The following ADAMTS18 variants were observed in gnomAD, a reference collection of about 807,000 sequenced individuals.
ADAMTS18 encodes A disintegrin and metalloproteinase with thrombospondin motifs 18.
Under a neutral mutation model 165.9 loss-of-function variants are expected in ADAMTS18, and 157 were observed. The observed-to-expected ratio is 0.95, with a 90% CI of 0.83 to 1.08. ADAMTS18 has a LOEUF of 1.08. Ranked by LOEUF, ADAMTS18 falls within the 50% of genes least tolerant of loss-of-function variation. ADAMTS18 has a pLI of 0.00. For synonymous variants in ADAMTS18, 782 were observed against 578.2 expected, an observed-to-expected ratio of 1.35 and a Z score of -5.06; for missense variants, 2,040 against 1,534.0, an observed-to-expected ratio of 1.33 and a Z score of -5.51.
Position 77,434,884 on chromosome 16 carries a change from C to T in ADAMTS18, c.-189G>A, listed in dbSNP as rs2057778884. On this transcript the variant is annotated 5_prime_UTR_variant, in exon 1 of 23. Coordinates refer to ENST00000282849, the MANE Select transcript of ADAMTS18 (RefSeq NM_199355.4). ...TCCTCCGGCCGCCTGCGCGCCCTCC[C>T]TTCTCCCGGCGCGGGCCTGCCGAGC... 9.1e-6 allele frequency: 4 copies of T among 438,138 alleles called. No homozygotes were observed. Among genetic ancestry groups the T allele is most frequent in the Admixed American group, 4.7e-5 (1 of 21,488 alleles). The allele number at this position is 438,138 out of a possible 1,614,324, so 27.1% of individuals were successfully genotyped here. A position where few individuals can be genotyped will look rare whatever the true frequency, so the allele number is the denominator to read the frequency against.
chr16:77,424,536 C>A (rs971437842), intron 3 of ADAMTS18, among the ~76,000 whole-genome samples: 5 of 151,844 alleles, frequency 3.3e-5, no homozygotes, highest in African/African-American at 1.2e-4. Context: ...ATGTGAGACC[C>A]CTCAAACTGG....
chr16:77,326,987 G>C (rs2056106046), intron 12 of ADAMTS18, among the ~76,000 whole-genome samples: 1 of 152,182 alleles, frequency 6.6e-6, no homozygotes, highest in Non-Finnish European at 1.5e-5. Context: ...TTACAAGAAT[G>C]ACCTCCAGCT....
intron 11 of ADAMTS18, among the ~76,000 whole-genome samples, chr16:77,341,324 C>T (rs1207629180): frequency 6.6e-6 from 1 of 151,958 alleles, no homozygotes; most frequent in Admixed American, 6.6e-5. Flanking sequence ...GCTGAGTAGC[C>T]GAAGCCTTGG....
chr16:77,291,717 G>C (rs143749906), intron 20 of ADAMTS18, among the ~76,000 whole-genome samples: 130 of 152,316 alleles, frequency 8.5e-4, no homozygotes, highest in African/African-American at 3.0e-3. Context: ...CAGATCATTA[G>C]CCTCATAAAG....
intron 12 of ADAMTS18, among the ~76,000 whole-genome samples, chr16:77,330,408 T>A (rs372505669): frequency 2.6e-5 from 4 of 152,320 alleles, no homozygotes; most frequent in East Asian, 3.9e-4. Flanking sequence ...ATTAAGACTA[T>A]GGGAACTTAA....
intron 11 of ADAMTS18, among the ~76,000 whole-genome samples, chr16:77,337,848 T>C (rs986092009): frequency 6.6e-6 from 1 of 151,864 alleles, no homozygotes; most frequent in African/African-American, 2.4e-5. Context: ...AAATTCTACA[T>C]AGAAAATGCA....
intron 6 of ADAMTS18, 129 bp from the exon 7 acceptor site, chr16:77,362,393 G>A (rs7192938): frequency 0.14 from 143,459 of 997,250 alleles, 11,715 homozygotes; most frequent in East Asian, 0.25. Flanking sequence ...CTTGAGCTAA[G>A]GTAGGAGACA....
rs745369304 is a variant in ADAMTS18 at position 77,364,387 on chromosome 16, A to T, written c.779-6T>A. The T allele has an allele frequency of 3.2e-5, 51 of 1,613,472 alleles. No homozygotes were observed. The highest frequency in any genetic ancestry group is 4.2e-5 in the Non-Finnish European group (50 of 1,179,884). On this transcript the variant is annotated splice_polypyrimidine_tract_variant and splice_region_variant and intron_variant, in intron 4 of 22. Transcript: ENST00000282849. ...TGTGGGAGGCTTGGGAGCATCTACG[A>T]TGAACAGAAGAGCATTTGGAAGGGA...
intron 3 of ADAMTS18, among the ~76,000 whole-genome samples, chr16:77,398,223 A>G (rs921634653): frequency 2.6e-5 from 4 of 152,240 alleles, no homozygotes; most frequent in South Asian, 4.1e-4. Flanking sequence ...AGCCTGAGGC[A>G]GAAGAATCAC....
intron 12 of ADAMTS18, among the ~76,000 whole-genome samples, chr16:77,331,722 C>T (rs1042796465): frequency 2.0e-5 from 3 of 152,114 alleles, no homozygotes; most frequent in Non-Finnish European, 4.4e-5. Flanking sequence ...GGCAGGGATG[C>T]TGCTAGACAT....
At chr16:77,379,189 C>T (rs1004710822) in intron 3 of ADAMTS18, among the ~76,000 whole-genome samples, 2 of 152,182 alleles carry the variant, frequency 1.3e-5, no homozygotes, top group South Asian at 2.1e-4. Flanking sequence ...TCATGAGGCG[C>T]CTTCTTGGGC....
intron 12 of ADAMTS18, among the ~76,000 whole-genome samples, chr16:77,329,248 G>A (rs1267323496): frequency 6.6e-6 from 1 of 152,094 alleles, no homozygotes; most frequent in African/African-American, 2.4e-5. Flanking sequence ...TAGGACTACA[G>A]GCATGTGCCA....
chr16:77,309,217 GTT>G lies in ADAMTS18; in HGVS notation c.2533-8815_2533-8814del, dbSNP rs113727165. 1.1e-3 allele frequency among the ~76,000 whole-genome samples: 103 copies of G among 91,482 alleles called. 2 individuals carry two copies. The highest frequency in any genetic ancestry group is 3.3e-3 in the African/African-American group (101 of 30,800). The allele number at this position is 91,482 out of a possible 152,430, so 60.0% of individuals were successfully genotyped here. A position where few individuals can be genotyped will look rare whatever the true frequency, so the allele number is the denominator to read the frequency against. ...GCTAACGTGCGCATGTAGCTGGCTA[GTT>G]TTTTTTTTTCTGGGAAATACAGAAA... On this transcript the variant is annotated intron_variant, in intron 16 of 22. Coordinates refer to ENST00000282849, the MANE Select transcript of ADAMTS18 (RefSeq NM_199355.4).
chr16:77,339,226 G>A (rs8049128), intron 11 of ADAMTS18, among the ~76,000 whole-genome samples: 63,944 of 151,562 alleles, frequency 0.42, 14,109 homozygotes, highest in East Asian at 0.61. Context: ...AGAATCTGAG[G>A]AAACCGTATA....
intron 16 of ADAMTS18, among the ~76,000 whole-genome samples, chr16:77,309,375 A>G (rs1306043240): frequency 6.6e-6 from 1 of 152,220 alleles, no homozygotes; most frequent in African/African-American, 2.4e-5. Flanking sequence ...TAAGACAATC[A>G]TACAAATCCT....
In ADAMTS18 at chr16:77,343,074, C is replaced by CTTT. The variant is rs59318924; in HGVS notation, c.1615-1278_1615-1276dup. On this transcript the variant is annotated intron_variant, in intron 10 of 22. Transcript: ENST00000282849. ...ATGCACTGATTTTAGACCTTACTTTCTTTTTTTTTTTTTTTGAGAGTGAGT... is the reference window on the plus strand; with the variant it reads ...ATGCACTGATTTTAGACCTTACTTTCTTTTTTTTTTTTTTTTTTGAGAGTGAGT... Among the ~76,000 whole-genome samples the CTTT allele has an allele frequency of 3.9e-4, 55 of 142,422 alleles. 1 individual carries two copies. The highest frequency in any genetic ancestry group is 9.0e-4 in the South Asian group (4 of 4,426). 93.4% of individuals were successfully genotyped at this position (142,422 alleles called of 152,430 possible). A position where few individuals can be genotyped will look rare whatever the true frequency, so the allele number is the denominator to read the frequency against.
chr16:77,385,049 C>T, intron 3 of ADAMTS18, among the ~76,000 whole-genome samples: 1 of 151,912 alleles, frequency 6.6e-6, no homozygotes, highest in East Asian at 1.9e-4. Flanking sequence ...GCTGGGATTA[C>T]AGACGTGCAC....
chr16:77,351,021 G>A (rs573529464), intron 10 of ADAMTS18, among the ~76,000 whole-genome samples: 11 of 152,238 alleles, frequency 7.2e-5, no homozygotes, highest in African/African-American at 1.9e-4. Context: ...TCTTTCCTGC[G>A]TTGCCAGAGC....
chr16:77,344,174 T>C (rs927762270), intron 10 of ADAMTS18, among the ~76,000 whole-genome samples: 2 of 146,722 alleles, frequency 1.4e-5, no homozygotes, highest in African/African-American at 5.0e-5. Context: ...TATATATATA[T>C]ATACACATAC....
Sources: gnomAD v4.1 joint callset for allele counts (sites outside exome capture counted in the v4.1 genomes callset) on GRCh38, gnomAD v4.1.1 for gene constraint, MANE v1.5 for transcripts, NCBI Gene and HGNC (gene_info 2026-07-23, HGNC 2026-07-21) for gene names.